Variants in DDHD1 observed in about 807,000 individuals in gnomAD.
The protein encoded by DDHD1 is DDHD domain containing 1, also known as phospholipase DDHD1.
A neutral mutation model predicts 96.4 loss-of-function variants in DDHD1; 49 were observed. The observed-to-expected ratio is 0.51, with a 90% confidence interval of 0.40 to 0.64. DDHD1 has a LOEUF of 0.64. Ranked by LOEUF, DDHD1 falls within the 30% of genes least tolerant of loss-of-function variation. DDHD1 has a pLI of 0.00. For synonymous variants in DDHD1, 442 were observed against 446.5 expected, an observed-to-expected ratio of 0.99 and a Z score of 0.13; for missense variants, 1,106 against 1,161.2, an observed-to-expected ratio of 0.95 and a Z score of 0.69.
chr14:53,085,176 A>G (rs1885836624), intron 4 of DDHD1, among the ~76,000 whole-genome samples: 1 of 152,078 alleles, frequency 6.6e-6, no homozygotes, highest in African/African-American at 2.4e-5. Context: ...GCCTCTGTAG[A>G]CTCCACCTCT....
intron 6 of DDHD1, among the ~76,000 whole-genome samples, chr14:53,069,250 A>G (rs1329854465): frequency 1.3e-5 from 2 of 152,150 alleles, no homozygotes; most frequent in African/African-American, 4.8e-5. Context: ...CGCTAGAGGA[A>G]AAGATCTGGG....
chr14:53,053,590 A>T (rs887782988), intron 11 of DDHD1: 5 of 152,182 alleles, frequency 3.3e-5, no homozygotes, highest in Admixed American at 6.5e-5. Flanking sequence ...TAGCAGACAC[A>T]GTAAGAACAC....
chr14:53,071,834 T>A (rs1289645995), intron 6 of DDHD1, among the ~76,000 whole-genome samples: 1 of 152,074 alleles, frequency 6.6e-6, no homozygotes, highest in African/African-American at 2.4e-5. Flanking sequence ...ACAGAGAGAC[T>A]GGCTATATTG....
intron 1 of DDHD1, among the ~76,000 whole-genome samples, chr14:53,113,463 T>A (rs1260386474): frequency 6.9e-6 from 1 of 144,980 alleles, no homozygotes; most frequent in African/African-American, 2.6e-5. Flanking sequence ...GAGGCCAAGA[T>A]GGCCGAATAG....
chr14:53,066,300 C>T (rs569233784), intron 6 of DDHD1, among the ~76,000 whole-genome samples: 14 of 152,170 alleles, frequency 9.2e-5, no homozygotes, highest in African/African-American at 3.4e-4. Context: ...TACAGGTGTG[C>T]ACCACCACGC....
chr14:53,042,080 A>G lies in DDHD1; in HGVS notation c.*4688T>C, dbSNP rs1881698907. On this transcript the variant is annotated 3_prime_UTR_variant, in exon 13 of 13. Coordinates refer to ENST00000673822, the MANE Select transcript of DDHD1 (RefSeq NM_001160148.2). ...AATCGGTCACTTACAAAATGAAGGA[A>G]TCACATGAGGAGGTGAAACTGTAAA... 6.6e-6 allele frequency: 1 copy of G among 152,222 alleles called. No individual in the cohort carries two copies. 9.4% of individuals were successfully genotyped at this position (152,222 alleles called of 1,614,324 possible). A position where few individuals can be genotyped will look rare whatever the true frequency, so the allele number is the denominator to read the frequency against.
chr14:53,118,670 C>G (rs559432655), intron 1 of DDHD1, among the ~76,000 whole-genome samples: 17 of 152,146 alleles, frequency 1.1e-4, no homozygotes, highest in Middle Eastern at 3.4e-3. Context: ...TGTGAAAAGA[C>G]CAAATCTATG....
intron 12 of DDHD1, among the ~76,000 whole-genome samples, chr14:53,049,371 C>T (rs1882330520): frequency 6.6e-6 from 1 of 152,184 alleles, no homozygotes; most frequent in Non-Finnish European, 1.5e-5. Context: ...GCTATCAGTG[C>T]AGTGGACCTC....
Position 53,152,712 on chromosome 14 carries a change from G to C in DDHD1, c.387C>G (p.Asn129Lys), listed in dbSNP as rs774030522. The change falls in exon 1 of 13, where the codon AAC becomes AAG. Residue 129 changes from asparagine to lysine, a missense_variant. Physicochemically the swap from Asn to Lys is moderately conservative, Grantham distance 94 (BLOSUM62 0). Around this residue, in one of 2 missense-constraint regions of DDHD1, gnomAD observed 456 missense variants for 402.4 expected, o/e 1.13. Transcript: ENST00000673822. ...PPQQPPLVPT[N>K]SGGGGATGGS... ...CTCCTGTCGCGCCGCCGCCCCCCGA[G>C]TTCGTCGGGACCAGCGGAGGCTGCT... The C allele has an allele frequency of 6.2e-7, 1 of 1,607,370 alleles. No homozygotes were observed. Among genetic ancestry groups the C allele is most frequent in the Non-Finnish European group, 8.5e-7 (1 of 1,176,974 alleles).
rs60704615 is a variant in DDHD1, at chr14:53,113,390, CAAAAAAAAAAA to C, written c.839-9545_839-9535del. Among the ~76,000 whole-genome samples, 136 of 118,232 alleles carry C rather than the reference CAAAAAAAAAAA, an allele frequency of 1.2e-3. 1 individual carries two copies. Among genetic ancestry groups the C allele is most frequent in the South Asian group, 3.5e-3 (14 of 4,038 alleles). 77.6% of individuals were successfully genotyped at this position (118,232 alleles called of 152,430 possible). ...TAAAAAAAAAAACCCCTGTACAAGC[CAAAAAAAAAAA>C]AAAAAAAAAAAAGTATGAGAAACTC... On this transcript the variant is annotated intron_variant, in intron 1 of 12. Coordinates refer to ENST00000673822, the MANE Select transcript of DDHD1 (RefSeq NM_001160148.2).
At chr14:53,059,953 C>T (rs184345024) in intron 8 of DDHD1, among the ~76,000 whole-genome samples, 63 of 149,312 alleles carry the variant, frequency 4.2e-4, no homozygotes, top group Non-Finnish European at 6.8e-4. Context: ...CATACTCTTA[C>T]GGCTTTTAAA....
chr14:53,055,742 T>C lies in DDHD1; in HGVS notation c.2163A>G (p.Ile721Met), dbSNP rs1351462682. 6.8e-6 allele frequency: 11 copies of C among 1,614,044 alleles called. No individual in the cohort carries two copies. In the Admixed American group the frequency reaches 1.8e-4, roughly 27 times the overall value. The stretch of plus-strand genomic sequence containing the variant: ...AAACTGGTGAGGTCACAGGGCTTGG[T>C]ATGGTTGAAATGCCTTCATTCTCTG... ...SVSENEGIST[I>M]PSPVTSPVLS... Residue 721 changes from isoleucine to methionine, a missense_variant, in exon 10 of 13, where the codon ATA becomes ATG. By Grantham distance (10) the Ile-to-Met change is conservative. Around this residue, in one of 2 missense-constraint regions of DDHD1, gnomAD observed 650 missense variants for 758.8 expected, o/e 0.86. Coordinates refer to ENST00000673822, the MANE Select transcript of DDHD1 (RefSeq NM_001160148.2).
At position 53,153,053 on chromosome 14, in the gene DDHD1, C is replaced by T; in HGVS notation, c.46G>A (p.Gly16Ser). ...RGSPRSPEHN[G>S]RGGGGGAWEL... ...CAGGCGCCGCCGCCGCCGCCTCGGC[C>T]GTTATGCTCGGGGCTCCGTGGGGAC... The change falls in exon 1 of 13, where the codon GGC (glycine) becomes AGC (serine). Residue 16 changes from glycine to serine, a missense_variant. By Grantham distance (56) the Gly-to-Ser change is moderately conservative. Coordinates refer to ENST00000673822, the MANE Select transcript of DDHD1 (RefSeq NM_001160148.2). 1.3e-6 allele frequency: 2 copies of T among 1,490,720 alleles called. No homozygotes were observed. Among genetic ancestry groups the T allele is most frequent in the Admixed American group, 2.4e-5 (1 of 41,308 alleles). 92.3% of individuals were successfully genotyped at this position (1,490,720 alleles called of 1,614,324 possible).
intron 1 of DDHD1, among the ~76,000 whole-genome samples, chr14:53,116,241 T>A (rs1888533404): frequency 6.6e-6 from 1 of 152,140 alleles, no homozygotes; most frequent in Non-Finnish European, 1.5e-5. Context: ...CTTAGAGACC[T>A]AGAAAGAGAC....
At chr14:53,073,918 G>A (rs143019444) in intron 4 of DDHD1, 71 bp from the exon 5 acceptor site, 1 of 1,356,940 alleles carries the variant, frequency 7.4e-7, no homozygotes, top group Non-Finnish European at 1.0e-6. Flanking sequence ...ATTTATATGA[G>A]ATAAAATGTG....
chr14:53,098,884 T>C (rs569758196), intron 2 of DDHD1, among the ~76,000 whole-genome samples: 2 of 152,210 alleles, frequency 1.3e-5, no homozygotes, highest in East Asian at 3.9e-4. Context: ...TTTCAATTTA[T>C]CTGTGATTTT....
rs1400789685 is a variant in DDHD1 at position 53,152,271 on chromosome 14, C to T, written c.828G>A (p.Val276=). ...VDVTQGECYP[V]YWNQADKIPV... ...CGGCCCGCTACTCACGGTTCCAGTA[C>T]ACCGGGTAGCACTCTCCTTGGGTCA... The change falls in exon 1 of 13, where the codon GTG becomes GTA. Residue 276 remains valine, a synonymous_variant. Coordinates refer to ENST00000673822, the MANE Select transcript of DDHD1 (RefSeq NM_001160148.2). 1.2e-6 allele frequency: 2 copies of T among 1,606,574 alleles called. No individual in the cohort carries two copies. The highest frequency in any genetic ancestry group is 4.5e-5 in the East Asian group (2 of 44,802).
chr14:53,054,032 G>A (rs1836905046), intron 11 of DDHD1: 1 of 156,650 alleles, frequency 6.4e-6, no homozygotes, highest in South Asian at 2.0e-4. Context: ...GATGACTTTG[G>A]TATAGCAGTT....
At chr14:53,083,711 C>T (rs1444654704) in intron 4 of DDHD1, among the ~76,000 whole-genome samples, 3 of 152,194 alleles carry the variant, frequency 2.0e-5, no homozygotes, top group South Asian at 2.1e-4. Flanking sequence ...TGTATAGGCC[C>T]GAACACTGAA....
Sources: allele counts gnomAD v4.1 joint callset (sites outside exome capture counted in the v4.1 genomes callset), GRCh38; gene constraint gnomAD v4.1.1; regional missense constraint gnomAD v4.1.1; transcripts MANE v1.5; gene names NCBI Gene and HGNC (gene_info 2026-07-23, HGNC 2026-07-21).